Variants in SAMHD1 observed in about 807,000 individuals in gnomAD.
The protein encoded by SAMHD1 is deoxynucleoside triphosphate triphosphohydrolase SAMHD1.
A neutral mutation model predicts 79.6 loss-of-function variants in SAMHD1; 54 were observed. That is an observed-to-expected ratio of 0.68 (90% CI 0.55 to 0.85). The LOEUF is 0.85. Ranked by LOEUF, SAMHD1 falls within the 40% of genes least tolerant of loss-of-function variation. SAMHD1 has a pLI of 0.00. For synonymous variants in SAMHD1, 260 were observed against 264.1 expected, an observed-to-expected ratio of 0.98 and a Z score of 0.15; for missense variants, 663 against 782.7, an observed-to-expected ratio of 0.85 and a Z score of 1.82.
rs1391870271 is a variant in SAMHD1 at position 36,951,512 on chromosome 20, T to C, written c.132A>G (p.Thr44=). 6.2e-7 allele frequency: 1 copy of C among 1,614,174 alleles called. No homozygotes were observed. The highest frequency in any genetic ancestry group is 8.5e-7 in the Non-Finnish European group (1 of 1,179,994). The change falls in exon 1 of 16, where the codon ACA becomes ACG. Residue 44 remains threonine (T), a synonymous_variant. Transcript: ENST00000646673. ...PGLELHPDYK[T]WGPEQVCSFL... ...AGGAGCACACCTGCTCCGGACCCCA[T>C]GTCTTGTAGTCGGGATGGAGTTCCA...
chr20:36,898,809 G>A (rs1026282707), intron 13 of SAMHD1, among the ~76,000 whole-genome samples: 4 of 150,868 alleles, frequency 2.7e-5, no homozygotes, highest in Non-Finnish European at 2.9e-5. Context: ...TTACTCGGGA[G>A]ACTGAGGCAG....
chr20:36,942,313 G>T (rs1040582219), intron 2 of SAMHD1, among the ~76,000 whole-genome samples: 2 of 152,132 alleles, frequency 1.3e-5, no homozygotes, highest in Admixed American at 1.3e-4. Context: ...AGCTACTCGG[G>T]AGGCTGAGGC....
chr20:36,905,635 G>T (rs2063400459), intron 11 of SAMHD1, 132 bp from the exon 12 acceptor site: 1 of 825,440 alleles, frequency 1.2e-6, no homozygotes, highest in African/African-American at 1.7e-5. Context: ...TTAGCAATGT[G>T]AGAAAAATTT....
chr20:36,932,753 T>C (rs1286183055), intron 4 of SAMHD1, among the ~76,000 whole-genome samples: 1 of 151,992 alleles, frequency 6.6e-6, no homozygotes, highest in Non-Finnish European at 1.5e-5. Flanking sequence ...TTTTGGCAAG[T>C]TTGGTTTTGT....
At chr20:36,916,077 C>T (rs1460761106) in intron 9 of SAMHD1, among the ~76,000 whole-genome samples, 4 of 151,690 alleles carry the variant, frequency 2.6e-5, no homozygotes, top group Non-Finnish European at 5.9e-5. Flanking sequence ...AGGAGAATGG[C>T]GTGAACCCGG....
At chr20:36,910,455 C>A (rs969609391) in intron 11 of SAMHD1, among the ~76,000 whole-genome samples, 1 of 151,698 alleles carries the variant, frequency 6.6e-6, no homozygotes, top group Non-Finnish European at 1.5e-5. Flanking sequence ...ATGGGCCGGG[C>A]GTAGTGGCTC....
intron 3 of SAMHD1, among the ~76,000 whole-genome samples, chr20:36,935,850 C>T (rs1260409653): frequency 1.3e-5 from 2 of 151,940 alleles, no homozygotes; most frequent in African/African-American, 2.4e-5. Context: ...GGATTACAGG[C>T]GTGAGCCACC....
intron 15 of SAMHD1, among the ~76,000 whole-genome samples, chr20:36,896,861 A>T (rs1990207898): frequency 8.1e-6 from 1 of 123,320 alleles, no homozygotes; most frequent in African/African-American, 3.0e-5. Context: ...TAATTAATTA[A>T]AAAAAAAAAG....
chr20:36,890,418 C>CTTTCT lies in SAMHD1; in HGVS notation c.*2513_*2514insAGAAA, dbSNP rs1555830170. 5.6e-5 allele frequency: 1 copy of CTTTCT among 17,774 alleles called. No individual in the cohort carries two copies. The highest frequency in any genetic ancestry group is 2.2e-4 in the Non-Finnish European group (1 of 4,616). 1.1% of individuals were successfully genotyped at this position (17,774 alleles called of 1,614,324 possible). On this transcript the variant is annotated 3_prime_UTR_variant, in exon 16 of 16. Transcript: ENST00000646673. ...TTTCTCTTTCTTTCTTTCTTTCTTT[C>CTTTCT]TTTTCTTTCTCTCTTTCCTTCCTTC... is the stretch of plus-strand genomic sequence containing the variant.
At chr20:36,950,718 C>T (rs1462093662) in intron 1 of SAMHD1, among the ~76,000 whole-genome samples, 1 of 152,166 alleles carries the variant, frequency 6.6e-6, no homozygotes, top group Non-Finnish European at 1.5e-5. Flanking sequence ...TGGAGGGGAA[C>T]CTGCTTTTAA....
Position 36,935,379 on chromosome 20 carries a change from G to A in SAMHD1, c.349-190C>T, listed in dbSNP as rs115263234. ...CACTACCAGACAGATCAAGTATATT[G>A]GATTTGAGTATATTTTACTTCTTCC... On this transcript the variant is annotated intron_variant, in intron 3 of 15. Coordinates refer to ENST00000646673, the MANE Select transcript of SAMHD1 (RefSeq NM_015474.4). The A allele has an allele frequency of 1.7e-5, 10 of 590,310 alleles. No homozygotes were observed. In the African/African-American group the frequency reaches 1.9e-4, roughly 11 times the overall value. 36.6% of individuals were successfully genotyped at this position (590,310 alleles called of 1,614,324 possible).
At chr20:36,922,649 G>A (rs1045913580) in intron 6 of SAMHD1, among the ~76,000 whole-genome samples, 1 of 151,932 alleles carries the variant, frequency 6.6e-6, no homozygotes, top group Admixed American at 6.6e-5. Context: ...AAACTGTTGG[G>A]ATTACAGGTG....
intron 14 of SAMHD1, 100 bp downstream of exon 14, chr20:36,898,339 TA>T: frequency 2.2e-6 from 2 of 915,714 alleles, no homozygotes; most frequent in Non-Finnish European, 3.6e-6. Context: ...ACTTTAATTG[TA>T]AAGATATGCC....
At chr20:36,926,885 C>T (rs2063539721) in intron 6 of SAMHD1, 1 of 311,708 alleles carries the variant, frequency 3.2e-6, no homozygotes, top group Admixed American at 4.7e-5. Flanking sequence ...AAACTGGCAA[C>T]TGGTTTTGTA....
intron 1 of SAMHD1, among the ~76,000 whole-genome samples, chr20:36,948,092 T>A (rs541680188): frequency 3.9e-5 from 6 of 152,248 alleles, no homozygotes; most frequent in African/African-American, 1.4e-4. Context: ...GAAAAGTTAC[T>A]TTACATCTTT....
intron 6 of SAMHD1, among the ~76,000 whole-genome samples, chr20:36,920,919 T>C (rs896336286): frequency 1.3e-5 from 2 of 150,838 alleles, no homozygotes; most frequent in African/African-American, 4.9e-5. Context: ...ACCCTGTCTC[T>C]ACAAAAAGAT....
rs111307501 is a variant in SAMHD1 at position 36,906,188 on chromosome 20, A to G, written c.1271-685T>C. Among the ~76,000 whole-genome samples, 1,102 of 152,308 alleles carry G rather than the reference A, an allele frequency of 7.2e-3. 13 individuals carry two copies. The highest frequency in any genetic ancestry group is 0.022 in the African/African-American group (931 of 41,556). On this transcript the variant is annotated intron_variant, in intron 11 of 15. Transcript: ENST00000646673. ...CGCTGTGGCTCACACCTGTGATCCCAGCAATTTGGGAGGCCAAGGCAGGTG... is the reference window on the plus strand; with the variant it reads ...CGCTGTGGCTCACACCTGTGATCCCGGCAATTTGGGAGGCCAAGGCAGGTG...
chr20:36,937,806 A>G (rs2063614039), intron 3 of SAMHD1, among the ~76,000 whole-genome samples: 1 of 150,182 alleles, frequency 6.7e-6, no homozygotes, highest in South Asian at 2.1e-4. Flanking sequence ...TTGAAAATCT[A>G]TTTCCAACAA....
At chr20:36,914,749 G>A (rs944232684) in intron 9 of SAMHD1, among the ~76,000 whole-genome samples, 2 of 151,362 alleles carry the variant, frequency 1.3e-5, no homozygotes, top group African/African-American at 2.4e-5. Flanking sequence ...GCTCACACAT[G>A]TAATACCAGC....
Sources: allele counts gnomAD v4.1 joint callset (sites outside exome capture counted in the v4.1 genomes callset), GRCh38; gene constraint gnomAD v4.1.1; transcripts MANE v1.5; gene names NCBI Gene and HGNC (gene_info 2026-07-23, HGNC 2026-07-21).